Variants in KALRN observed in about 807,000 individuals in gnomAD.
KALRN encodes the protein kalirin.
Under a neutral mutation model 353.7 loss-of-function variants are expected in KALRN, and 70 were observed. The ratio of observed to expected loss-of-function variants is 0.20; its 90% CI spans 0.16 to 0.24. The LOEUF (loss-of-function observed/expected upper bound fraction) is 0.24. KALRN is among the 10% of genes least tolerant of loss of function. The probability of loss-of-function intolerance (pLI) is 1.00; values close to 1 mark genes in which losing one functional copy is unlikely to be tolerated. For missense variants in KALRN, 2,791 were observed against 3,756.7 expected (o/e 0.74, Z 6.72); for synonymous variants, 1,391 against 1,434.8 (o/e 0.97, Z 0.69).
chr3:124,248,817 G>A (rs954531080), intron 3 of KALRN, among the ~76,000 whole-genome samples: 1 of 152,224 alleles, frequency 6.6e-6, no homozygotes, highest in Non-Finnish European at 1.5e-5. Context: ...TCCGGAGCTG[G>A]AATTTTATCT....
At chr3:124,335,090 G>A (rs2080997100) in intron 9 of KALRN, among the ~76,000 whole-genome samples, 2 of 152,082 alleles carry the variant, frequency 1.3e-5, no homozygotes, top group Non-Finnish European at 1.5e-5. Flanking sequence ...GGGCCAATAT[G>A]GCACATTTTT....
At chr3:124,082,896 C>T (rs1437765523) in intron 1 of KALRN, among the ~76,000 whole-genome samples, 1 of 152,236 alleles carries the variant, frequency 6.6e-6, no homozygotes, top group Non-Finnish European at 1.5e-5. Flanking sequence ...AGAATCAAAG[C>T]TTCTGCTGCT....
At chr3:124,368,909 GCGTGGTGGCGCGTGCCTGCAATC>G (rs2085418893) in intron 10 of KALRN, among the ~76,000 whole-genome samples, 1 of 152,112 alleles carries the variant, frequency 6.6e-6, no homozygotes, top group Non-Finnish European at 1.5e-5. Context: ...AACCAGTCAG[GCGTGGTGGCGCGTGCCTGCAATC>G]GCAGGCACTC....
At chr3:124,272,500 T>C (rs1456929787) in intron 5 of KALRN, among the ~76,000 whole-genome samples, 1 of 152,170 alleles carries the variant, frequency 6.6e-6, no homozygotes, top group Admixed American at 6.5e-5. Context: ...AACCCAAGGT[T>C]TAGAATGTCT....
intron 1 of KALRN, among the ~76,000 whole-genome samples, chr3:124,090,248 A>G (rs2061038176): frequency 6.6e-6 from 1 of 152,124 alleles, no homozygotes. Flanking sequence ...GGTGGTTTAG[A>G]GCCCAGGGCA....
chr3:124,322,517 G>A (rs1483872795), intron 6 of KALRN, among the ~76,000 whole-genome samples: 2 of 152,182 alleles, frequency 1.3e-5, no homozygotes, highest in South Asian at 4.1e-4. Context: ...AGAGAGTGGA[G>A]GGGGCAGCTG....
At chr3:124,576,780 G>C (rs2074141388) in intron 34 of KALRN, among the ~76,000 whole-genome samples, 1 of 152,172 alleles carries the variant, frequency 6.6e-6, no homozygotes, top group African/African-American at 2.4e-5. Flanking sequence ...GAGGGAAGGT[G>C]GCGTTGGCAG....
chr3:124,515,017 A>G (rs2066373438), intron 33 of KALRN, among the ~76,000 whole-genome samples: 1 of 152,224 alleles, frequency 6.6e-6, no homozygotes, highest in African/African-American at 2.4e-5. Flanking sequence ...TTTCTAATCC[A>G]TCAGACAAAA....
intron 10 of KALRN, among the ~76,000 whole-genome samples, chr3:124,367,583 T>C (rs1185103928): frequency 3.6e-4 from 13 of 35,672 alleles, no homozygotes; most frequent in Admixed American, 5.5e-4. Context: ...CCAGTAGGGG[T>C]GGCCAGGCAG....
chr3:124,231,791 C>T (rs772345677), intron 2 of KALRN, among the ~76,000 whole-genome samples: 2 of 151,980 alleles, frequency 1.3e-5, no homozygotes, highest in Non-Finnish European at 2.9e-5. Flanking sequence ...TGATGCATAT[C>T]CATTAACATC....
Position 124,036,192 on chromosome 3 carries a change from T to G in KALRN, c.73+2379T>G, listed in dbSNP as rs548207304. The stretch of plus-strand genomic sequence containing the variant: ...AATAAGCATAGTACCTGATAGGTAT[T>G]TTTTCTGATTTTCTCTGTCCTCCCA... On this transcript the variant is annotated intron_variant, in intron 1 of 59. Coordinates refer to ENST00000682506, the MANE Select transcript of KALRN (RefSeq NM_001388419.1). Among the ~76,000 whole-genome samples the G allele has an allele frequency of 3.9e-5, 6 of 152,304 alleles. No homozygotes were observed. In the East Asian group the frequency reaches 9.6e-4, roughly 24 times the overall value.
At chr3:124,272,205 A>G (rs953476844) in intron 5 of KALRN, among the ~76,000 whole-genome samples, 4 of 152,246 alleles carry the variant, frequency 2.6e-5, no homozygotes, top group African/African-American at 9.6e-5. Context: ...AAATAGCAGC[A>G]CTATATGTAT....
chr3:124,552,985 C>T (rs572349900), intron 33 of KALRN, among the ~76,000 whole-genome samples: 3 of 152,192 alleles, frequency 2.0e-5, no homozygotes, highest in South Asian at 2.1e-4. Flanking sequence ...AGGCTGGTCT[C>T]GAACTCCTGA....
intron 6 of KALRN, among the ~76,000 whole-genome samples, chr3:124,320,810 G>A (rs1051002413): frequency 6.6e-6 from 1 of 152,154 alleles, no homozygotes; most frequent in African/African-American, 2.4e-5. Flanking sequence ...ACAATTCTGG[G>A]CTCCAGACCT....
chr3:124,078,901 C>T (rs1266835188), intron 1 of KALRN, among the ~76,000 whole-genome samples: 1 of 152,170 alleles, frequency 6.6e-6, no homozygotes, highest in Non-Finnish European at 1.5e-5. Context: ...TTTTACCAAG[C>T]CAACAGCTGT....
chr3:124,693,140 G>C (rs1428686331), intron 51 of KALRN, among the ~76,000 whole-genome samples: 1 of 152,184 alleles, frequency 6.6e-6, no homozygotes, highest in Non-Finnish European at 1.5e-5. Context: ...AAGTGGAAAG[G>C]GTTGGAATGG....
At chr3:124,403,119 C>T (rs550382103) in intron 13 of KALRN, among the ~76,000 whole-genome samples, 13 of 152,356 alleles carry the variant, frequency 8.5e-5, no homozygotes, top group African/African-American at 2.9e-4. Flanking sequence ...AGTTGTGACA[C>T]TCCTACCTTC....
chr3:124,051,260 A>G (rs1348845458), intron 1 of KALRN, among the ~76,000 whole-genome samples: 1 of 152,182 alleles, frequency 6.6e-6, no homozygotes, highest in Non-Finnish European at 1.5e-5. Context: ...GTGAAGATGG[A>G]TTACATTATA....
At chr3:124,066,578 G>T (rs571595750) in intron 1 of KALRN, among the ~76,000 whole-genome samples, 180 of 152,300 alleles carry the variant, frequency 1.2e-3, no homozygotes, top group African/African-American at 4.0e-3. Flanking sequence ...TCAAAAGGAG[G>T]TGTGACCTGG....
Sources: gnomAD v4.1 joint callset for allele counts (sites outside exome capture counted in the v4.1 genomes callset) on GRCh38, gnomAD v4.1.1 for gene constraint, MANE v1.5 for transcripts, NCBI Gene and HGNC (gene_info 2026-07-23, HGNC 2026-07-21) for gene names.